The following GABRA5 variants were observed in gnomAD, a reference collection of about 807,000 sequenced individuals.
GABRA5 encodes gamma-aminobutyric acid type A receptor subunit alpha5, also known as gamma-aminobutyric acid receptor subunit alpha-5.
In GABRA5, 18 loss-of-function variants were observed where a neutral mutation model predicts 47.3. The ratio of observed to expected loss-of-function variants is 0.38; its 90% confidence interval spans 0.26 to 0.56. GABRA5 has a LOEUF of 0.56. GABRA5 is among the 20% of genes least tolerant of loss of function. The pLI is 0.71. For synonymous variants in GABRA5, 237 were observed against 229.3 expected, an observed-to-expected ratio of 1.03 and a Z score of -0.30; for missense variants, 365 against 599.3, an observed-to-expected ratio of 0.61 and a Z score of 4.08.
At chr15:26,947,169 C>A (rs1245971118) in intron 10 of GABRA5, among the ~76,000 whole-genome samples, 9 of 152,180 alleles carry the variant, frequency 5.9e-5, no homozygotes, top group Non-Finnish European at 1.5e-5. Flanking sequence ...GGGGGCAAGT[C>A]CTAATTCCGT....
intron 6 of GABRA5, among the ~76,000 whole-genome samples, chr15:26,886,088 C>T (rs1359141579): frequency 6.6e-6 from 1 of 152,082 alleles, no homozygotes; most frequent in Non-Finnish European, 1.5e-5. Context: ...GGCACGATCT[C>T]GGTTCACTGC....
intron 3 of GABRA5, among the ~76,000 whole-genome samples, chr15:26,873,363 G>A (rs1892517474): frequency 6.6e-6 from 1 of 151,706 alleles, no homozygotes; most frequent in South Asian, 2.1e-4. Context: ...TGATTTTATT[G>A]TCTTAAATAT....
intron 3 of GABRA5, among the ~76,000 whole-genome samples, chr15:26,873,738 C>T (rs7165524): frequency 0.3 from 45,576 of 151,986 alleles, 6,889 homozygotes; most frequent in Middle Eastern, 0.35. Context: ...ACCATAGCTG[C>T]GGGTTCATGA....
intron 6 of GABRA5, among the ~76,000 whole-genome samples, chr15:26,907,594 T>C (rs1028496785): frequency 2.0e-5 from 3 of 152,148 alleles, no homozygotes; most frequent in Admixed American, 6.5e-5. Flanking sequence ...CTGCAGTTCT[T>C]GTCTGGATCA....
intron 7 of GABRA5, among the ~76,000 whole-genome samples, chr15:26,934,578 A>G (rs559143687): frequency 6.6e-6 from 1 of 152,328 alleles, no homozygotes; most frequent in African/African-American, 2.4e-5. Context: ...TTGATGAAGT[A>G]CCTACTGTGA....
At position 26,872,471 on chromosome 15, in the gene GABRA5, C is replaced by T. The variant is rs75563779; in HGVS notation, c.86+3137C>T. 6.4e-3 allele frequency among the ~76,000 whole-genome samples: 971 copies of T among 152,264 alleles called. 8 individuals carry two copies. Among genetic ancestry groups the T allele is most frequent in the African/African-American group, 0.022 (920 of 41,530 alleles). On this transcript the variant is annotated intron_variant, in intron 3 of 10. Transcript: ENST00000335625. ...TTTTGCAGGGTAGCCCTGGATCAAA[C>T]CAGTCTAGACAAGAGGGAACGTAAT... is the stretch of plus-strand genomic sequence containing the variant.
intron 3 of GABRA5, among the ~76,000 whole-genome samples, chr15:26,876,606 T>G (rs1892602540): frequency 6.6e-6 from 1 of 152,052 alleles, no homozygotes; most frequent in Non-Finnish European, 1.5e-5. Context: ...GAAGCTTCCT[T>G]GGGATGCAGG....
rs576311786 is a variant in GABRA5 at position 26,943,235 on chromosome 15, A to G, written c.898A>G (p.Met300Val). 1.3e-6 allele frequency: 2 copies of G among 1,556,654 alleles called. No homozygotes were observed. Among genetic ancestry groups the G allele is most frequent in the East Asian group, 2.4e-5 (1 of 41,222 alleles). Residue 300 changes from methionine (M) to valine (V), a missense_variant, in exon 10 of 11, where the codon ATG becomes GTG. By Grantham distance (21) the Met-to-Val change is conservative. Transcript: ENST00000335625. Reference protein sequence around the residue: ...TVFGVTTVLTMTTLSISARNS... With the variant: ...TVFGVTTVLTVTTLSISARNS... ...CGCAGGGGTCACCACGGTGCTGACC[A>G]TGACGACCCTCAGCATCAGCGCCAG...
chr15:26,946,436 T>TG (rs1894513610), intron 10 of GABRA5, among the ~76,000 whole-genome samples: 1 of 136,052 alleles, frequency 7.4e-6, no homozygotes, highest in South Asian at 2.2e-4. Flanking sequence ...TTTATCTGTT[T>TG]TTTTTTTTTT....
intron 6 of GABRA5, among the ~76,000 whole-genome samples, chr15:26,890,025 A>G (rs887559398): frequency 2.0e-5 from 3 of 152,232 alleles, no homozygotes; most frequent in African/African-American, 7.2e-5. Context: ...CCATGTCATT[A>G]AACATTGTTT....
chr15:26,932,035 A>G (rs11635763), intron 7 of GABRA5, among the ~76,000 whole-genome samples: 40,270 of 152,202 alleles, frequency 0.26, 5,931 homozygotes, highest in Middle Eastern at 0.42. Flanking sequence ...AATATAGGCA[A>G]TGCTATTCAC....
chr15:26,899,486 A>G (rs914607973), intron 6 of GABRA5, among the ~76,000 whole-genome samples: 4 of 152,168 alleles, frequency 2.6e-5, no homozygotes, highest in African/African-American at 9.7e-5. Flanking sequence ...AGTCTTGTCA[A>G]TGTTCTCTCT....
chr15:26,893,006 T>C (rs1002478907), intron 6 of GABRA5, among the ~76,000 whole-genome samples: 2 of 146,356 alleles, frequency 1.4e-5, no homozygotes, highest in African/African-American at 5.1e-5. Context: ...GTGTGTGTAG[T>C]GTGTTGTGTT....
At chr15:26,933,068 C>G (rs1443850483) in intron 7 of GABRA5, among the ~76,000 whole-genome samples, 1 of 148,564 alleles carries the variant, frequency 6.7e-6, no homozygotes, top group Non-Finnish European at 1.5e-5. Context: ...ATGTAACAAA[C>G]AGGCACATCC....
chr15:26,887,758 T>C (rs1226500195), intron 6 of GABRA5, among the ~76,000 whole-genome samples: 1 of 152,174 alleles, frequency 6.6e-6, no homozygotes, highest in Admixed American at 6.5e-5. Flanking sequence ...CTTAAATATA[T>C]ATATTTTTAA....
intron 6 of GABRA5, among the ~76,000 whole-genome samples, chr15:26,902,446 T>C (rs1893349750): frequency 6.6e-6 from 1 of 152,112 alleles, no homozygotes; most frequent in Non-Finnish European, 1.5e-5. Context: ...ATTGCTGATA[T>C]ATAATAAAAT....
At chr15:26,939,073 C>T (rs896114033) in intron 8 of GABRA5, among the ~76,000 whole-genome samples, 1 of 152,226 alleles carries the variant, frequency 6.6e-6, no homozygotes, top group African/African-American at 2.4e-5. Flanking sequence ...TCTGGCCATA[C>T]CATCCACTCC....
At chr15:26,930,890 CT>C (rs1894086974) in intron 7 of GABRA5, among the ~76,000 whole-genome samples, 2 of 134,988 alleles carry the variant, frequency 1.5e-5, no homozygotes, top group African/African-American at 5.9e-5. Flanking sequence ...TTCTTTCTTT[CT>C]TTTCTTTTTT....
At chr15:26,924,488 G>T (rs1177631842) in intron 7 of GABRA5, among the ~76,000 whole-genome samples, 1 of 152,158 alleles carries the variant, frequency 6.6e-6, no homozygotes, top group East Asian at 1.9e-4. Context: ...GAGCAAGAGG[G>T]AGTTGCCCCT....
Sources: gnomAD v4.1 joint callset for allele counts (sites outside exome capture counted in the v4.1 genomes callset) on GRCh38, gnomAD v4.1.1 for gene constraint, MANE v1.5 for transcripts, NCBI Gene and HGNC (gene_info 2026-07-23, HGNC 2026-07-21) for gene names.